The following SBF2 variants were observed in gnomAD, a reference collection of about 807,000 sequenced individuals.
SBF2 encodes SET binding factor 2.
Under a neutral mutation model 225.2 loss-of-function variants are expected in SBF2, and 112 were observed. The ratio of observed to expected loss-of-function variants is 0.50; its 90% CI spans 0.43 to 0.58. SBF2 has a LOEUF of 0.58. Among genes scored for constraint, SBF2 ranks in the 20% least tolerant of loss-of-function variants. The pLI is 0.00. For missense variants in SBF2, 1,996 were observed against 2,206.2 expected (o/e 0.90, Z 1.91); for synonymous variants, 763 against 773.3 (o/e 0.99, Z 0.22).
chr11:9,939,587 T>A (rs529639545), intron 16 of SBF2, among the ~76,000 whole-genome samples: 6 of 152,190 alleles, frequency 3.9e-5, no homozygotes, highest in Non-Finnish European at 5.9e-5. Flanking sequence ...GTTCTTTATA[T>A]GTACTTTTAC....
chr11:10,000,903 TG>T lies in SBF2; in HGVS notation c.861+10del. 1.4e-6 allele frequency: 2 copies of T among 1,398,818 alleles called. No homozygotes were observed. The highest frequency in any genetic ancestry group is 2.0e-6 in the Non-Finnish European group (2 of 984,030). 86.7% of individuals were successfully genotyped at this position (1,398,818 alleles called of 1,614,324 possible). On this transcript the variant is annotated intron_variant, in intron 8 of 39. Coordinates refer to ENST00000256190, the MANE Select transcript of SBF2 (RefSeq NM_030962.4). ...ACTCAATAACTGGAAACTTTAAAGA[TG>T]AATACTTACAAGTTCATGGACATCA...
In SBF2 at chr11:9,932,957, C is replaced by CAAAAAAAAAAAAAAAAAAA. The variant is rs574177096; in HGVS notation, c.1860+28981_1860+28999dup. ...GGAGATCTACCAAGCAAACGAAAAG[C>CAAAAAAAAAAAAAAAAAAA]AAAAAAAAAAAAAAAAAAAAAAAAA... is the stretch of plus-strand genomic sequence containing the variant. On this transcript the variant is annotated intron_variant, in intron 16 of 39. Coordinates refer to ENST00000256190, the MANE Select transcript of SBF2 (RefSeq NM_030962.4). Among the ~76,000 whole-genome samples the CAAAAAAAAAAAAAAAAAAA allele has an allele frequency of 1.0e-4, 6 of 58,774 alleles. 1 individual carries two copies. The East Asian group carries it at 7.1e-3, about 70-fold the overall frequency. The allele number at this position is 58,774 out of a possible 152,430, so 38.6% of individuals were successfully genotyped here. A position where few individuals can be genotyped will look rare whatever the true frequency, so the allele number is the denominator to read the frequency against.
intron 37 of SBF2, 98 bp downstream of exon 37, chr11:9,785,027 G>T: frequency 9.8e-7 from 1 of 1,024,400 alleles, no homozygotes; most frequent in Non-Finnish European, 1.5e-6. Context: ...TTTATAAAAG[G>T]CTGTACTGCA....
intron 1 of SBF2, among the ~76,000 whole-genome samples, chr11:10,210,104 C>T (rs1957881472): frequency 2.0e-5 from 3 of 152,136 alleles, no homozygotes; most frequent in Admixed American, 2.0e-4. Context: ...CCAGGAGTTC[C>T]AGTTCAGCCC....
intron 32 of SBF2, among the ~76,000 whole-genome samples, chr11:9,803,220 GA>G (rs5789619): frequency 0.82 from 123,605 of 150,372 alleles, 50,835 homozygotes; most frequent in Middle Eastern, 0.85. Context: ...CTCTTTACTT[GA>G]AAAAAAAAAC....
At chr11:10,089,586 C>A (rs761992264) in intron 2 of SBF2, among the ~76,000 whole-genome samples, 29 of 152,004 alleles carry the variant, frequency 1.9e-4, no homozygotes, top group Non-Finnish European at 8.8e-5. Context: ...TTATTTAGTA[C>A]CTCTTGTAAA....
At chr11:9,876,884 G>A (rs1287037179) in intron 17 of SBF2, among the ~76,000 whole-genome samples, 6 of 151,910 alleles carry the variant, frequency 3.9e-5, no homozygotes, top group Non-Finnish European at 5.9e-5. Context: ...GATTACAGGC[G>A]CCCACCACCA....
At chr11:10,108,751 C>T (rs1952694176) in intron 2 of SBF2, among the ~76,000 whole-genome samples, 1 of 151,618 alleles carries the variant, frequency 6.6e-6, no homozygotes, top group South Asian at 2.1e-4. Context: ...GTCTCGATCT[C>T]CTGACCTCGT....
chr11:9,851,928 G>T (rs1223719242), intron 21 of SBF2, among the ~76,000 whole-genome samples: 1 of 152,024 alleles, frequency 6.6e-6, no homozygotes, highest in Admixed American at 6.6e-5. Context: ...CACCACCACG[G>T]CTGGCTAACT....
intron 2 of SBF2, among the ~76,000 whole-genome samples, chr11:10,165,917 T>C (rs1390202348): frequency 6.6e-6 from 1 of 152,214 alleles, no homozygotes; most frequent in Non-Finnish European, 1.5e-5. Context: ...ACTGTACTTT[T>C]AGCATATGTC....
At chr11:10,081,094 A>G (rs1308644348) in intron 2 of SBF2, among the ~76,000 whole-genome samples, 2 of 152,190 alleles carry the variant, frequency 1.3e-5, no homozygotes, top group Non-Finnish European at 2.9e-5. Flanking sequence ...AAGTGGACCT[A>G]TAGACATTTA....
chr11:10,279,106 TAAAAAAAAAA>T (rs58093618), intron 1 of SBF2, among the ~76,000 whole-genome samples: 33 of 56,120 alleles, frequency 5.9e-4, no homozygotes, highest in Admixed American at 1.8e-3. Context: ...GGTCTTGTAT[TAAAAAAAAAA>T]AAAAAAAAAA....
intron 1 of SBF2, among the ~76,000 whole-genome samples, chr11:10,232,273 G>T (rs556480496): frequency 1.2e-4 from 18 of 152,198 alleles, no homozygotes; most frequent in Admixed American, 8.5e-4. Flanking sequence ...GGGATGCCTC[G>T]TGCTGCTTCA....
intron 2 of SBF2, among the ~76,000 whole-genome samples, chr11:10,071,228 T>C (rs917947167): frequency 6.6e-6 from 1 of 151,820 alleles, no homozygotes. Context: ...AGGGCATCCT[T>C]GTCTTGTGCC....
chr11:10,024,680 G>A (rs987069118), intron 6 of SBF2, among the ~76,000 whole-genome samples: 1 of 152,036 alleles, frequency 6.6e-6, no homozygotes, highest in East Asian at 1.9e-4. Flanking sequence ...CCAGAATTTG[G>A]GATGCAAGCT....
intron 28 of SBF2, chr11:9,828,083 T>G: frequency 8.7e-7 from 1 of 1,150,472 alleles, no homozygotes; most frequent in Non-Finnish European, 1.1e-6. Flanking sequence ...TTTCTGCTTT[T>G]AAGCTTGCAT....
At chr11:10,209,696 C>A (rs1957866122) in intron 1 of SBF2, among the ~76,000 whole-genome samples, 1 of 152,102 alleles carries the variant, frequency 6.6e-6, no homozygotes. Flanking sequence ...TATCTTCTCT[C>A]CCTCCATTCT....
At chr11:10,259,980 A>G (rs1961271070) in intron 1 of SBF2, among the ~76,000 whole-genome samples, 1 of 152,222 alleles carries the variant, frequency 6.6e-6, no homozygotes, top group Non-Finnish European at 1.5e-5. Context: ...CCTGAATCAT[A>G]TTAATTTCAC....
intron 8 of SBF2, among the ~76,000 whole-genome samples, chr11:9,999,938 T>C (rs1202224273): frequency 6.6e-6 from 1 of 152,214 alleles, no homozygotes; most frequent in Non-Finnish European, 1.5e-5. Flanking sequence ...AATTACAAAA[T>C]CTTAGGGATC....
Sources: gnomAD v4.1 joint callset for allele counts (sites outside exome capture counted in the v4.1 genomes callset) on GRCh38, gnomAD v4.1.1 for gene constraint, MANE v1.5 for transcripts, NCBI Gene and HGNC (gene_info 2026-07-23, HGNC 2026-07-21) for gene names.